Variants in DAP observed in about 807,000 individuals in gnomAD.
DAP encodes death associated protein, also known as death-associated protein 1.
DAP carries 8 observed loss-of-function variants against 13.8 expected under a neutral mutation model. The observed-to-expected ratio is 0.58, with a 90% confidence interval of 0.34 to 1.05. The LOEUF (loss-of-function observed/expected upper bound fraction) is 1.05, where lower values mean the gene tolerates loss of function less well. Among genes scored for constraint, DAP ranks in the 50% least tolerant of loss-of-function variants. DAP has a pLI of 0.03. For synonymous variants in DAP, 47 were observed against 47.5 expected (o/e 0.99, Z 0.04); for missense variants, 106 against 133.2 (o/e 0.80, Z 1.01).
At chr5:10,733,428 T>A (rs1241680325) in intron 2 of DAP, among the ~76,000 whole-genome samples, 1 of 152,224 alleles carries the variant, frequency 6.6e-6, no homozygotes. Context: ...GTTTCACTTT[T>A]GGTATCTAGA....
At chr5:10,751,162 G>A (rs529634616) in intron 1 of DAP, among the ~76,000 whole-genome samples, 8 of 152,086 alleles carry the variant, frequency 5.3e-5, no homozygotes, top group African/African-American at 1.9e-4. Flanking sequence ...GCCTCCTGTG[G>A]GCCCACCTCT....
At chr5:10,758,480 T>C (rs908051425) in intron 1 of DAP, among the ~76,000 whole-genome samples, 2 of 152,032 alleles carry the variant, frequency 1.3e-5, no homozygotes, top group African/African-American at 4.8e-5. Context: ...CCTCTAACTA[T>C]GGTCTTGGAG....
In DAP at chr5:10,733,155, C is replaced by CGTGT. The variant is rs55645932; in HGVS notation, c.152+15016_152+15019dup. Among the ~76,000 whole-genome samples the CGTGT allele has an allele frequency of 7.6e-3, 977 of 128,430 alleles. 11 individuals are homozygous for CGTGT. The highest frequency in any genetic ancestry group is 0.029 in the East Asian group (133 of 4,548). The allele number at this position is 128,430 out of a possible 152,430, so 84.3% of individuals were successfully genotyped here. On this transcript the variant is annotated intron_variant, in intron 2 of 3. Transcript: ENST00000230895. Reference sequence around the variant, plus strand: ...TTTTTAAGGTTGAATAATATTCCTGCGTGTGTGTGTGTGTGTGTGTGTGTG... The same window carrying CGTGT: ...TTTTTAAGGTTGAATAATATTCCTGCGTGTGTGTGTGTGTGTGTGTGTGTGTGTG...
At chr5:10,722,643 T>C (rs1739184428) in intron 2 of DAP, among the ~76,000 whole-genome samples, 1 of 150,568 alleles carries the variant, frequency 6.6e-6, no homozygotes, top group Non-Finnish European at 1.5e-5. Flanking sequence ...TATACATATA[T>C]ATATATGTTC....
chr5:10,687,228 G>A (rs1208931499), intron 2 of DAP, among the ~76,000 whole-genome samples: 1 of 152,198 alleles, frequency 6.6e-6, no homozygotes, highest in Non-Finnish European at 1.5e-5. Context: ...TATACAAGGA[G>A]ATTAATGTTG....
intron 2 of DAP, 24 bp downstream of exon 2, chr5:10,748,151 C>G (rs767207446): frequency 6.6e-7 from 1 of 1,522,756 alleles, no homozygotes; most frequent in Non-Finnish European, 9.1e-7. Context: ...AAAACATGCT[C>G]AAGAGTCGCT....
intron 2 of DAP, among the ~76,000 whole-genome samples, chr5:10,685,941 A>ACAC (rs1561005643): frequency 2.0e-5 from 3 of 149,938 alleles, no homozygotes; most frequent in African/African-American, 7.5e-5. Context: ...CACACACACA[A>ACAC]ACAAACACCT....
intron 2 of DAP, among the ~76,000 whole-genome samples, chr5:10,698,260 C>G (rs1262549347): frequency 1.8e-5 from 2 of 110,718 alleles, no homozygotes; most frequent in Non-Finnish European, 3.3e-5. Flanking sequence ...ATACCAAGCA[C>G]TTGGGCCTTT....
rs55645932 is a variant in DAP, at chr5:10,733,155, CGTGTGTGTGTGTGTGTGT to C, written c.152+15002_152+15019del. Among the ~76,000 whole-genome samples the C allele has an allele frequency of 1.9e-3, 245 of 128,474 alleles. 2 individuals carry two copies. Among genetic ancestry groups the C allele is most frequent in the South Asian group, 0.013 (50 of 3,798 alleles). 84.3% of individuals were successfully genotyped at this position (128,474 alleles called of 152,430 possible). On this transcript the variant is annotated intron_variant, in intron 2 of 3. Coordinates refer to ENST00000230895, the MANE Select transcript of DAP (RefSeq NM_004394.3). Reference sequence around the variant, plus strand: ...TTTTTAAGGTTGAATAATATTCCTGCGTGTGTGTGTGTGTGTGTGTGTGTGTGTGTGTGTGTGTGTGTG... The same window carrying C: ...TTTTTAAGGTTGAATAATATTCCTGCGTGTGTGTGTGTGTGTGTGTGTGTG...
At chr5:10,753,327 A>C (rs2930060) in intron 1 of DAP, among the ~76,000 whole-genome samples, 64,514 of 152,120 alleles carry the variant, frequency 0.42, 14,116 homozygotes, top group Middle Eastern at 0.61. Context: ...CCTTTCCTTG[A>C]TCAGATTCCT....
chr5:10,685,545 A>G (rs1393246792), intron 2 of DAP, among the ~76,000 whole-genome samples: 1 of 152,226 alleles, frequency 6.6e-6, no homozygotes, highest in Non-Finnish European at 1.5e-5. Context: ...AAATGGCAGC[A>G]CAAAGTTTCT....
At chr5:10,710,628 G>A (rs1322829504) in intron 2 of DAP, among the ~76,000 whole-genome samples, 2 of 152,204 alleles carry the variant, frequency 1.3e-5, no homozygotes, top group Non-Finnish European at 2.9e-5. Context: ...TGGACGGGCT[G>A]GTGGGAAGCA....
At chr5:10,706,845 G>A (rs1259617450) in intron 2 of DAP, among the ~76,000 whole-genome samples, 1 of 151,796 alleles carries the variant, frequency 6.6e-6, no homozygotes, top group African/African-American at 2.4e-5. Context: ...AAAGGGCTCA[G>A]CATTCCAGAA....
rs2126649303 is a variant in DAP at position 10,707,702 on chromosome 5, G to T, written c.153-24131C>A. Among the ~76,000 whole-genome samples, 2 of 152,254 alleles carry T rather than the reference G, an allele frequency of 1.3e-5. No homozygotes were observed. Among genetic ancestry groups the T allele is most frequent in the Middle Eastern group, 3.4e-3 (1 of 294 alleles). Reference sequence around the variant, plus strand: ...GCACAGGCGGCGTGATGTACAGGTGGTGTGATGCATGGGTGGTGTGGTGTG... The same window carrying T: ...GCACAGGCGGCGTGATGTACAGGTGTTGTGATGCATGGGTGGTGTGGTGTG... On this transcript the variant is annotated intron_variant, in intron 2 of 3. Coordinates refer to ENST00000230895, the MANE Select transcript of DAP (RefSeq NM_004394.3). The surrounding 1 kb of genome is among the most constrained non-coding windows in gnomAD (Gnocchi z 4.0).
intron 2 of DAP, among the ~76,000 whole-genome samples, chr5:10,704,445 A>G (rs967694875): frequency 2.6e-5 from 4 of 152,064 alleles, no homozygotes; most frequent in Non-Finnish European, 5.9e-5. Context: ...ACCACTTCCT[A>G]TGTGTCTCTG....
chr5:10,735,149 T>G (rs1438931054), intron 2 of DAP, among the ~76,000 whole-genome samples: 1 of 144,962 alleles, frequency 6.9e-6, no homozygotes, highest in Admixed American at 7.2e-5. Context: ...TTAAGCTAAC[T>G]TTTACAAAAT....
chr5:10,683,635 A>G, intron 2 of DAP, 64 bp from the exon 3 acceptor site: 1 of 1,520,460 alleles, frequency 6.6e-7, no homozygotes, highest in Non-Finnish European at 9.1e-7. Context: ...ACACGGTGGC[A>G]GACGATGTGT....
chr5:10,710,738 C>G (rs1009737238), intron 2 of DAP, among the ~76,000 whole-genome samples: 1 of 152,182 alleles, frequency 6.6e-6, no homozygotes, highest in African/African-American at 2.4e-5. Context: ...TCCTTCAGCC[C>G]TGCACCTGTG....
intron 1 of DAP, among the ~76,000 whole-genome samples, chr5:10,756,249 G>T (rs1193820277): frequency 7.1e-6 from 1 of 140,752 alleles, no homozygotes; most frequent in Non-Finnish European, 1.5e-5. Flanking sequence ...TCCTTGGCAT[G>T]TTGGGAACAA....
Sources: gnomAD v4.1 joint callset for allele counts (sites outside exome capture counted in the v4.1 genomes callset) on GRCh38, gnomAD v4.1.1 for gene constraint, Gnocchi (gnomAD v3.1) non-coding constraint, MANE v1.5 for transcripts, NCBI Gene and HGNC (gene_info 2026-07-23, HGNC 2026-07-21) for gene names.